ATP9B: variants seen among roughly 807,000 people sequenced by gnomAD.
ATP9B encodes the protein ATPase phospholipid transporting 9B, also known as probable phospholipid-transporting ATPase IIB.
A neutral mutation model predicts 146.1 loss-of-function variants in ATP9B; 110 were observed. The observed-to-expected ratio is 0.75, with a 90% CI of 0.65 to 0.88. ATP9B has a LOEUF of 0.88. Among genes scored for constraint, ATP9B ranks in the 40% least tolerant of loss-of-function variants. The probability of loss-of-function intolerance (pLI) is 0.00; values close to 1 mark genes in which losing one functional copy is unlikely to be tolerated. For synonymous variants in ATP9B, 604 were observed against 569.7 expected (o/e 1.06, Z -0.86); for missense variants, 1,499 against 1,496.4 (o/e 1.00, Z -0.03).
chr18:79,250,945 C>A (rs1035063027), intron 11 of ATP9B, among the ~76,000 whole-genome samples: 3 of 152,126 alleles, frequency 2.0e-5, no homozygotes, highest in Non-Finnish European at 4.4e-5. Flanking sequence ...AATTAGAGGG[C>A]AGTGTGCTTT....
At chr18:79,114,437 C>G (rs1044445922) in intron 4 of ATP9B, among the ~76,000 whole-genome samples, 3 of 152,142 alleles carry the variant, frequency 2.0e-5, no homozygotes, top group African/African-American at 7.2e-5. Flanking sequence ...GGGGTCTGTC[C>G]TGGCCTGGGT....
intron 3 of ATP9B, among the ~76,000 whole-genome samples, chr18:79,112,345 T>C (rs1320458107): frequency 6.6e-6 from 1 of 152,242 alleles, no homozygotes; most frequent in Non-Finnish European, 1.5e-5. Flanking sequence ...TGTTCCATTT[T>C]GATTTTCAAT....
At chr18:79,073,983 T>C (rs1242103248) in intron 1 of ATP9B, among the ~76,000 whole-genome samples, 1 of 152,198 alleles carries the variant, frequency 6.6e-6, no homozygotes, top group Non-Finnish European at 1.5e-5. Context: ...TCTTGGGTAT[T>C]TTGTATATTA....
chr18:79,330,101 G>A lies in ATP9B; in HGVS notation c.2025G>A (p.Glu675=). The change falls in exon 17 of 30, where the codon GAG becomes GAA. Residue 675 remains glutamate, a synonymous_variant. Coordinates refer to ENST00000426216, the MANE Select transcript of ATP9B (RefSeq NM_198531.5). ...PIVQYNDWLE[E]ECGNMAREGL... ...TGCAGTATAATGACTGGCTGGAAGA[G>A]GAGGTATGTGAGTGACTCTAGCGTG... 1 of 1,613,908 alleles carries A rather than the reference G, an allele frequency of 6.2e-7. No individual in the cohort carries two copies. Among genetic ancestry groups the A allele is most frequent in the Non-Finnish European group, 8.5e-7 (1 of 1,179,756 alleles).
At chr18:79,332,477 C>T (rs2096796955) in intron 17 of ATP9B, among the ~76,000 whole-genome samples, 1 of 152,160 alleles carries the variant, frequency 6.6e-6, no homozygotes, top group Admixed American at 6.5e-5. Context: ...GTTATCTACT[C>T]ATCAGTAAGT....
At chr18:79,217,953 A>G (rs992385811) in intron 11 of ATP9B, among the ~76,000 whole-genome samples, 1 of 152,252 alleles carries the variant, frequency 6.6e-6, no homozygotes, top group African/African-American at 2.4e-5. Context: ...AGTAGAAGCC[A>G]TATTGGGACA....
intron 17 of ATP9B, among the ~76,000 whole-genome samples, chr18:79,332,398 C>T (rs9953785): frequency 0.14 from 20,728 of 152,196 alleles, 1,544 homozygotes; most frequent in Admixed American, 0.18. Flanking sequence ...CACTGCACTC[C>T]AGCCTGGGCG....
intron 6 of ATP9B, chr18:79,146,934 C>G (rs2094601086): frequency 6.6e-6 from 1 of 152,146 alleles, no homozygotes; most frequent in Non-Finnish European, 1.5e-5. Context: ...ACAAAAAAAC[C>G]AAGACGCATT....
intron 15 of ATP9B, among the ~76,000 whole-genome samples, chr18:79,310,107 A>G (rs966641855): frequency 6.6e-6 from 1 of 152,146 alleles, no homozygotes; most frequent in African/African-American, 2.4e-5. Flanking sequence ...AGAGGCAGGA[A>G]GAAGGGTGGA....
intron 12 of ATP9B, among the ~76,000 whole-genome samples, chr18:79,259,006 C>T (rs367899307): frequency 3.0e-4 from 45 of 152,258 alleles, no homozygotes; most frequent in African/African-American, 9.4e-4. Flanking sequence ...AAGGGTAAGA[C>T]TTCTAAAATA....
Position 79,146,709 on chromosome 18 carries a change from C to T in ATP9B, c.726+2849C>T, listed in dbSNP as rs140007323. The T allele has an allele frequency of 1.6e-4, 32 of 193,948 alleles. No individual in the cohort carries two copies. In the East Asian group the frequency reaches 2.0e-3, roughly 12 times the overall value. 12.0% of individuals were successfully genotyped at this position (193,948 alleles called of 1,614,324 possible). The stretch of plus-strand genomic sequence containing the variant: ...TGTCTCATCCCTGACCACGTGAGTA[C>T]GCAGGACACCTGTGTCTGTGTTAAG... On this transcript the variant is annotated intron_variant, in intron 6 of 29. Coordinates refer to ENST00000426216, the MANE Select transcript of ATP9B (RefSeq NM_198531.5).
intron 26 of ATP9B, chr18:79,361,462 A>G (rs2096988004): frequency 6.6e-6 from 1 of 151,596 alleles, no homozygotes; most frequent in Non-Finnish European, 1.5e-5. Context: ...CGTTTTCGTT[A>G]AGGTGAGCAA....
chr18:79,207,007 C>G lies in ATP9B; in HGVS notation c.1025C>G (p.Ala342Gly), dbSNP rs1293446287. The G allele has an allele frequency of 6.2e-7, 1 of 1,613,826 alleles. No individual in the cohort carries two copies. The highest frequency in any genetic ancestry group is 1.1e-5 in the South Asian group (1 of 91,062). Reference sequence around the variant, plus strand: ...ACATTGTGGGCAAGCACCATTGTTGCATCAGGTAAGGAAAACATTCTCCTC... The same window carrying G: ...ACATTGTGGGCAAGCACCATTGTTGGATCAGGTAAGGAAAACATTCTCCTC... ...ENTLWASTIVASGTVIGVVIY... is the reference protein window; with the variant it reads ...ENTLWASTIVGSGTVIGVVIY... The change falls in exon 10 of 30, where the codon GCA becomes GGA. Residue 342 changes from alanine (A) to glycine (G), a missense_variant. Coordinates refer to ENST00000426216, the MANE Select transcript of ATP9B (RefSeq NM_198531.5).
At chr18:79,366,213 T>G (rs1261553325) in intron 26 of ATP9B, among the ~76,000 whole-genome samples, 1 of 151,154 alleles carries the variant, frequency 6.6e-6, no homozygotes, top group Non-Finnish European at 1.5e-5. Context: ...CCCGAGGGGG[T>G]GTGGGTGTGG....
chr18:79,164,539 C>T (rs1306030186), intron 7 of ATP9B, among the ~76,000 whole-genome samples: 1 of 151,992 alleles, frequency 6.6e-6, no homozygotes, highest in Admixed American at 6.6e-5. Context: ...CATGGTGAAA[C>T]CCCGTCTCTA....
At chr18:79,178,258 G>A (rs568130853) in intron 8 of ATP9B, among the ~76,000 whole-genome samples, 22 of 152,244 alleles carry the variant, frequency 1.4e-4, no homozygotes, top group African/African-American at 2.9e-4. Context: ...CACCAGCACC[G>A]GATGAGTGAC....
intron 13 of ATP9B, among the ~76,000 whole-genome samples, chr18:79,291,927 C>G (rs1568594439): frequency 6.6e-6 from 1 of 152,202 alleles, no homozygotes; most frequent in African/African-American, 2.4e-5. Flanking sequence ...CCAGGCAGCC[C>G]CTGGTTACTT....
At chr18:79,155,826 G>T (rs1404983457) in intron 7 of ATP9B, among the ~76,000 whole-genome samples, 1 of 130,210 alleles carries the variant, frequency 7.7e-6, no homozygotes, top group Non-Finnish European at 1.5e-5. Flanking sequence ...GCAGTGGTGC[G>T]ATCTCCGCTC....
chr18:79,252,553 G>C (rs909008795), intron 11 of ATP9B, among the ~76,000 whole-genome samples: 4 of 152,214 alleles, frequency 2.6e-5, no homozygotes, highest in Non-Finnish European at 5.9e-5. Context: ...CAGAAGAGCT[G>C]TATTCTCTTA....
Sources: allele counts gnomAD v4.1 joint callset (sites outside exome capture counted in the v4.1 genomes callset), GRCh38; gene constraint gnomAD v4.1.1; transcripts MANE v1.5; gene names NCBI Gene and HGNC (gene_info 2026-07-23, HGNC 2026-07-21).